The following TMCC1 variants were observed in gnomAD, a reference collection of about 807,000 sequenced individuals.
TMCC1 encodes transmembrane and coiled-coil domain family 1.
In TMCC1, 15 loss-of-function variants were observed where a neutral mutation model predicts 52.4. The ratio of observed to expected loss-of-function variants is 0.29; its 90% CI spans 0.19 to 0.44. The LOEUF (loss-of-function observed/expected upper bound fraction) is 0.44, where lower values mean the gene tolerates loss of function less well. Ranked by LOEUF, TMCC1 falls within the 20% of genes least tolerant of loss-of-function variation. The pLI, the probability that TMCC1 is intolerant of heterozygous loss-of-function variation, is 1.00. For synonymous variants in TMCC1, 279 were observed against 301.9 expected (o/e 0.92, Z 0.79); for missense variants, 503 against 806.0 (o/e 0.62, Z 4.55).
chr3:129,851,030 A>G (rs187698082), intron 2 of TMCC1, among the ~76,000 whole-genome samples: 151 of 152,360 alleles, frequency 9.9e-4, no homozygotes, highest in African/African-American at 3.4e-3. Flanking sequence ...GGCCATCATG[A>G]ACATGTCACA....
At position 129,719,564 on chromosome 3, in the gene TMCC1, C is replaced by A. The variant is rs924936744; in HGVS notation, c.577-48300G>T. 7.9e-5 allele frequency among the ~76,000 whole-genome samples: 12 copies of A among 152,110 alleles called. 1 individual carries two copies. Among genetic ancestry groups the A allele is most frequent in the African/African-American group, 2.9e-4 (12 of 41,414 alleles). ...GGAAATGGGATGCAGTCTTGTGGGA[C>A]CCAGTCCTCAACTAGTGTAATCTAA... On this transcript the variant is annotated intron_variant, in intron 4 of 6. Transcript: ENST00000393238.
chr3:129,871,714 G>GA (rs573133070), intron 2 of TMCC1, among the ~76,000 whole-genome samples: 49 of 150,244 alleles, frequency 3.3e-4, no homozygotes, highest in East Asian at 1.4e-3. Context: ...AAATTCATAA[G>GA]AAAAAAAACT....
At chr3:129,706,845 T>A (rs1226130387) in intron 4 of TMCC1, among the ~76,000 whole-genome samples, 3 of 152,296 alleles carry the variant, frequency 2.0e-5, no homozygotes, top group East Asian at 3.9e-4. Context: ...TTGCACAGGC[T>A]GGAGTGCAAT....
At chr3:129,662,180 A>G (rs899200497) in intron 5 of TMCC1, among the ~76,000 whole-genome samples, 8 of 152,120 alleles carry the variant, frequency 5.3e-5, no homozygotes, top group African/African-American at 1.9e-4. Flanking sequence ...GGGGCAGAGG[A>G]GATGGTGGGT....
At chr3:129,887,209 A>C (rs1023803970) in intron 1 of TMCC1, among the ~76,000 whole-genome samples, 2 of 152,114 alleles carry the variant, frequency 1.3e-5, no homozygotes, top group African/African-American at 4.8e-5. Context: ...ACATATTTCA[A>C]ATCATAAATT....
chr3:129,760,849 C>A (rs1253058008), intron 4 of TMCC1, among the ~76,000 whole-genome samples: 1 of 151,728 alleles, frequency 6.6e-6, no homozygotes, highest in Non-Finnish European at 1.5e-5. Context: ...TGGGCTCAAG[C>A]AGTCTACCCA....
chr3:129,827,789 T>C lies in TMCC1; in HGVS notation c.576+14A>G, dbSNP rs1200058119. ...ACAGTAAGTTAACAGAAAAACAAAA[T>C]CTTACAAACTTACCCGCTCCGCAGT... is the stretch of plus-strand genomic sequence containing the variant. On this transcript the variant is annotated intron_variant, in intron 4 of 6. Coordinates refer to ENST00000393238, the MANE Select transcript of TMCC1 (RefSeq NM_001017395.5). 1 of 1,604,116 alleles carries C rather than the reference T, an allele frequency of 6.2e-7. No homozygotes were observed. Among genetic ancestry groups the C allele is most frequent in the Non-Finnish European group, 8.5e-7 (1 of 1,172,442 alleles).
rs894510606 is a variant in TMCC1 at position 129,761,292 on chromosome 3, C to T, written c.576+66511G>A. Among the ~76,000 whole-genome samples the T allele has an allele frequency of 2.8e-5, 4 of 142,106 alleles. No individual in the cohort carries two copies. The Admixed American group carries it at 3.0e-4, about 11-fold the overall frequency. 93.2% of individuals were successfully genotyped at this position (142,106 alleles called of 152,430 possible). On this transcript the variant is annotated intron_variant, in intron 4 of 6. Transcript: ENST00000393238. ...GCAGTGAGCCGAGATGGCGCCACTG[C>T]ACTCCAGCCTGGGCGACAGAGCGAG...
chr3:129,652,084 T>C (rs1211685084), intron 6 of TMCC1, among the ~76,000 whole-genome samples: 1 of 152,260 alleles, frequency 6.6e-6, no homozygotes, highest in African/African-American at 2.4e-5. Context: ...CACAAATATA[T>C]GCTCTTTTTT....
At chr3:129,893,446 AGG>A (rs2062078787) in intron 1 of TMCC1, 46 bp downstream of exon 1, 1 of 151,852 alleles carries the variant, frequency 6.6e-6, no homozygotes, top group Non-Finnish European at 1.5e-5. Flanking sequence ...GAGGGCCGTG[AGG>A]GGGCCGCGAC....
At chr3:129,849,725 C>A (rs984158074) in intron 2 of TMCC1, among the ~76,000 whole-genome samples, 1 of 151,450 alleles carries the variant, frequency 6.6e-6, no homozygotes, top group African/African-American at 2.4e-5. Flanking sequence ...AAGATCACAC[C>A]ACCGCACTAC....
intron 2 of TMCC1, among the ~76,000 whole-genome samples, chr3:129,874,969 C>T (rs1043146677): frequency 1.3e-5 from 2 of 152,082 alleles, no homozygotes; most frequent in African/African-American, 4.8e-5. Context: ...CCTTATTCTC[C>T]ACAATATTTG....
intron 4 of TMCC1, among the ~76,000 whole-genome samples, chr3:129,713,089 C>G (rs1001561207): frequency 6.6e-6 from 1 of 151,780 alleles, no homozygotes; most frequent in Non-Finnish European, 1.5e-5. Flanking sequence ...TAGTGAGACC[C>G]TGACTCTACA....
intron 4 of TMCC1, among the ~76,000 whole-genome samples, chr3:129,772,401 C>T (rs2054663355): frequency 6.6e-6 from 1 of 151,692 alleles, no homozygotes; most frequent in African/African-American, 2.4e-5. Context: ...GAAAAAGATC[C>T]ATAATGCTAT....
chr3:129,849,078 T>TAG (rs2059794642), intron 2 of TMCC1, among the ~76,000 whole-genome samples: 1 of 152,240 alleles, frequency 6.6e-6, no homozygotes, highest in Non-Finnish European at 1.5e-5. Flanking sequence ...TTCTTACTGC[T>TAG]ACTACTACTA....
chr3:129,821,795 T>C (rs2058436758), intron 4 of TMCC1, among the ~76,000 whole-genome samples: 1 of 152,196 alleles, frequency 6.6e-6, no homozygotes, highest in Admixed American at 6.5e-5. Context: ...CCACATGCAG[T>C]GGCTCACACC....
At chr3:129,687,879 A>G (rs974683504) in intron 4 of TMCC1, among the ~76,000 whole-genome samples, 16 of 152,148 alleles carry the variant, frequency 1.1e-4, no homozygotes, top group Admixed American at 3.3e-4. Context: ...AAAAGCAGGG[A>G]AAAAAAAGCA....
At chr3:129,841,378 G>A (rs1024725661) in intron 2 of TMCC1, among the ~76,000 whole-genome samples, 1 of 152,214 alleles carries the variant, frequency 6.6e-6, no homozygotes, top group African/African-American at 2.4e-5. Context: ...CCTGACGTCA[G>A]AAGTTCGAGA....
chr3:129,828,003 C>T lies in TMCC1; in HGVS notation c.376G>A (p.Gly126Ser). The stretch of plus-strand genomic sequence containing the variant: ...CTTCCCTTTGGGGCCTCTGGCTTGC[C>T]CCGCCTACTATGCAAGCTTGTCCCT... ...KRGTSLHSRRGKPEAPKGSPQ... is the reference protein window; with the variant it reads ...KRGTSLHSRRSKPEAPKGSPQ... The change falls in exon 4 of 7, where the codon GGC becomes AGC. Residue 126 changes from glycine to serine, a missense_variant. Coordinates refer to ENST00000393238, the MANE Select transcript of TMCC1 (RefSeq NM_001017395.5). The surrounding 1 kb of genome is among the most constrained non-coding windows in gnomAD (Gnocchi z 4.1). 2 of 1,614,118 alleles carry T rather than the reference C, an allele frequency of 1.2e-6. No homozygotes were observed. The highest frequency in any genetic ancestry group is 1.7e-6 in the Non-Finnish European group (2 of 1,180,002).
Sources: allele counts gnomAD v4.1 joint callset (sites outside exome capture counted in the v4.1 genomes callset), GRCh38; gene constraint gnomAD v4.1.1; non-coding constraint Gnocchi (gnomAD v3.1); transcripts MANE v1.5; gene names NCBI Gene and HGNC (gene_info 2026-07-23, HGNC 2026-07-21).